The following LAMB4 variants were observed in gnomAD, a reference collection of about 807,000 sequenced individuals.
LAMB4 encodes laminin subunit beta 4.
In LAMB4, 196 loss-of-function variants were observed where a neutral mutation model predicts 199.2. That is an observed-to-expected ratio of 0.98 (90% CI 0.88 to 1.11). The LOEUF (loss-of-function observed/expected upper bound fraction) is 1.11, where lower values mean the gene tolerates loss of function less well. Ranked by LOEUF, LAMB4 falls within the 50% of genes least tolerant of loss-of-function variation. LAMB4 has a pLI of 0.00. For missense variants in LAMB4, 2,080 were observed against 2,171.2 expected (o/e 0.96, Z 0.83); for synonymous variants, 744 against 770.6 (o/e 0.97, Z 0.57).
chr7:108,036,157 C>T (rs1279853552), intron 30 of LAMB4, among the ~76,000 whole-genome samples: 1 of 151,958 alleles, frequency 6.6e-6, no homozygotes, highest in Non-Finnish European at 1.5e-5. Flanking sequence ...TTCCCCCAGC[C>T]CATCAGTATC....
Position 108,076,166 on chromosome 7 carries a change from A to T in LAMB4, c.2124+778T>A, listed in dbSNP as rs545011234. 1.5e-3 allele frequency among the ~76,000 whole-genome samples: 228 copies of T among 152,262 alleles called. 1 individual carries two copies. The highest frequency in any genetic ancestry group is 0.014 in the South Asian group (67 of 4,826). ...CATATGTATCAAACATGTATCAAAT[A>T]CACATAGTAGTAAAAAATAGAAGCA... On this transcript the variant is annotated intron_variant, in intron 17 of 33. Coordinates refer to ENST00000388781, the MANE Select transcript of LAMB4 (RefSeq NM_007356.3).
intron 29 of LAMB4, among the ~76,000 whole-genome samples, chr7:108,038,337 AT>A (rs1423269733): frequency 6.6e-6 from 1 of 151,710 alleles, no homozygotes; most frequent in Non-Finnish European, 1.5e-5. Context: ...TTTTTTTTGT[AT>A]TTTTAGTAGA....
At chr7:108,043,545 G>GTTTTTTGTTTTTTT in intron 29 of LAMB4, among the ~76,000 whole-genome samples, 1 of 56,000 alleles carries the variant, frequency 1.8e-5, no homozygotes, top group Middle Eastern at 0.013. Context: ...TGGCTATGAT[G>GTTTTTTGTTTTTTT]TTTTTTTTTT....
chr7:108,035,251 C>T (rs565432208), intron 30 of LAMB4, among the ~76,000 whole-genome samples: 5 of 151,950 alleles, frequency 3.3e-5, no homozygotes, highest in South Asian at 2.1e-4. Context: ...TTTTAATTTA[C>T]GACTGCAGGC....
intron 23 of LAMB4, among the ~76,000 whole-genome samples, chr7:108,061,998 T>C (rs2036176827): frequency 6.6e-6 from 1 of 152,198 alleles, no homozygotes. Context: ...ATTTGGCTTT[T>C]TCTAACATTT....
rs1444262424 is a variant in LAMB4 at position 108,078,214 on chromosome 7, GT to G, written c.1989del (p.Leu663PhefsTer16). 2.0e-5 allele frequency: 32 copies of G among 1,606,882 alleles called. No homozygotes were observed. Among genetic ancestry groups the G allele is most frequent in the African/African-American group, 2.7e-5 (2 of 74,834 alleles). ...TCTGAAACATACCTCGTAGCCGCTG[GT>G]AAGGCAAAAGACTGAGGCTTTGACT... ...TLQSKPQSFA[L>X]PAATRIMLLP... On this transcript the variant is annotated frameshift_variant, in exon 16 of 34. Coordinates refer to ENST00000388781, the MANE Select transcript of LAMB4 (RefSeq NM_007356.3). LOFTEE classifies it high-confidence loss of function.
Position 108,091,610 on chromosome 7 carries a change from T to C in LAMB4, c.1701+16A>G, listed in dbSNP as rs776909467. ...CATCAAACACAGTCTGTAGGGAAAG[T>C]AAATGAAATACGAACCAAAGGCGCC... On this transcript the variant is annotated intron_variant, in intron 14 of 33. Transcript: ENST00000388781. 7 of 1,609,836 alleles carry C rather than the reference T, an allele frequency of 4.3e-6. No homozygotes were observed. In the Middle Eastern group the frequency reaches 5.0e-4, roughly 114 times the overall value.
At chr7:108,124,966 T>C (rs771663468) in intron 1 of LAMB4, among the ~76,000 whole-genome samples, 38 of 152,226 alleles carry the variant, frequency 2.5e-4, no homozygotes, top group Non-Finnish European at 4.4e-4. Context: ...TGTTTTGCAA[T>C]GCCTGATTTT....
At chr7:108,058,245 T>C (rs1240910654) in intron 23 of LAMB4, among the ~76,000 whole-genome samples, 2 of 152,248 alleles carry the variant, frequency 1.3e-5, no homozygotes, top group African/African-American at 4.8e-5. Context: ...TTTCCTCAAC[T>C]GTTATGGGAG....
In LAMB4 at chr7:108,068,165, AG is replaced by A; in HGVS notation, c.2303-7del. 6.2e-7 allele frequency: 1 copy of A among 1,614,060 alleles called. No homozygotes were observed. The highest frequency in any genetic ancestry group is 8.5e-7 in the Non-Finnish European group (1 of 1,180,010). On this transcript the variant is annotated splice_region_variant and splice_polypyrimidine_tract_variant and intron_variant, in intron 18 of 33. Coordinates refer to ENST00000388781, the MANE Select transcript of LAMB4 (RefSeq NM_007356.3). ...CTGGGGGTGACACTTGCAGGCTGCAAGGAACAATGGAAGGGAGGTAGAAATG... is the reference window on the plus strand; with the variant it reads ...CTGGGGGTGACACTTGCAGGCTGCAAGAACAATGGAAGGGAGGTAGAAATG...
At chr7:108,114,853 T>C (rs2038353967) in intron 3 of LAMB4, among the ~76,000 whole-genome samples, 2 of 152,138 alleles carry the variant, frequency 1.3e-5, no homozygotes, top group Admixed American at 6.5e-5. Context: ...TCCCAGTACA[T>C]GGAGAGGAAA....
At chr7:108,071,601 G>A (rs73424750) in intron 17 of LAMB4, among the ~76,000 whole-genome samples, 1,577 of 152,354 alleles carry the variant, frequency 0.01, 33 homozygotes, top group African/African-American at 0.034. Flanking sequence ...GGAGAAAACT[G>A]AAGGAGGTCA....
intron 7 of LAMB4, among the ~76,000 whole-genome samples, chr7:108,106,287 G>T (rs180959397): frequency 6.6e-6 from 1 of 151,870 alleles, no homozygotes; most frequent in African/African-American, 2.4e-5. Flanking sequence ...GCAGGGTGGC[G>T]CATGCCTGTA....
chr7:108,066,298 A>G (rs929182902), intron 20 of LAMB4, 71 bp downstream of exon 20: 70 of 1,127,526 alleles, frequency 6.2e-5, no homozygotes, highest in East Asian at 2.7e-4. Flanking sequence ...TCTCTACTCA[A>G]TGGATCTCTA....
intron 33 of LAMB4, among the ~76,000 whole-genome samples, chr7:108,028,316 A>T (rs2034907357): frequency 6.6e-6 from 1 of 152,048 alleles, no homozygotes; most frequent in Admixed American, 6.6e-5. Flanking sequence ...GGGCGGGACA[A>T]TTGTTTGCTT....
chr7:108,049,499 T>C lies in LAMB4; in HGVS notation c.3949A>G (p.Ile1317Val). The change falls in exon 27 of 34, where the codon ATA becomes GTA. Residue 1317 changes from isoleucine (I) to valine (V), a missense_variant. Transcript: ENST00000388781. ...ATTTTCTTTTCAGCAGATGATGATA[T>C]GTGATAATATTTCTTGATGTTTTCT... ...SSENIKKYYH[I>V]SSSAEKKINE... The C allele has an allele frequency of 1.2e-6, 2 of 1,606,030 alleles. No homozygotes were observed. Among genetic ancestry groups the C allele is most frequent in the Non-Finnish European group, 1.7e-6 (2 of 1,174,228 alleles).
At chr7:108,027,231 T>C (rs2034869726) in intron 33 of LAMB4, among the ~76,000 whole-genome samples, 1 of 151,868 alleles carries the variant, frequency 6.6e-6, no homozygotes, top group African/African-American at 2.4e-5. Flanking sequence ...CACGGAGGTG[T>C]TGAATGCAAG....
chr7:108,043,649 G>A lies in LAMB4; in HGVS notation c.4471+103C>T, dbSNP rs1254010414. 1.8e-5 allele frequency: 5 copies of A among 274,280 alleles called. 2 individuals are homozygous for A. The highest frequency in any genetic ancestry group is 5.2e-4 in the African/African-American group (2 of 3,864). The allele number at this position is 274,280 out of a possible 1,614,324, so 17.0% of individuals were successfully genotyped here. ...GGCTGGAGTGCAGTGGCGCGATCTC[G>A]GCTCACTGCAAGCTCCGCCTCCTGG... On this transcript the variant is annotated intron_variant, in intron 29 of 33. Coordinates refer to ENST00000388781, the MANE Select transcript of LAMB4 (RefSeq NM_007356.3).
chr7:108,012,357 G>A, the LAMB4 span, among the ~76,000 whole-genome samples: 2 of 152,154 alleles, frequency 1.3e-5, no homozygotes, highest in Non-Finnish European at 2.9e-5. Context: ...TTTGGGATGG[G>A]GGTTAAGGGG....
Sources: allele counts gnomAD v4.1 joint callset (sites outside exome capture counted in the v4.1 genomes callset), GRCh38; gene constraint gnomAD v4.1.1; transcripts MANE v1.5; gene names NCBI Gene and HGNC (gene_info 2026-07-23, HGNC 2026-07-21).